The following ZMIZ2 variants were observed in gnomAD, a reference collection of about 807,000 sequenced individuals.
ZMIZ2 encodes zinc finger MIZ domain-containing protein 2.
Under a neutral mutation model 93.9 loss-of-function variants are expected in ZMIZ2, and 26 were observed. The observed-to-expected ratio is 0.28, with a 90% CI of 0.20 to 0.38. ZMIZ2 has a LOEUF of 0.38. Ranked by LOEUF, ZMIZ2 falls within the 10% of genes least tolerant of loss-of-function variation. The pLI, the probability that ZMIZ2 is intolerant of heterozygous loss-of-function variation, is 1.00. For missense variants in ZMIZ2, 1,023 were observed against 1,235.0 expected, an observed-to-expected ratio of 0.83 and a Z score of 2.57; for synonymous variants, 485 against 516.4, an observed-to-expected ratio of 0.94 and a Z score of 0.82.
chr7:44,761,395 CA>C lies in ZMIZ2; in HGVS notation c.1241-52del. On this transcript the variant is annotated intron_variant, in intron 9 of 18. Coordinates refer to ENST00000309315, the MANE Select transcript of ZMIZ2 (RefSeq NM_031449.4). This position sits in a 1 kb window ranked among gnomAD's most constrained non-coding sequence, Gnocchi z 5.8. ...GAGCCGCTGCCCTCCTTGAGTGACA[CA>C]AGACGCTCTGGCTGGGGCAACCCAG... 1 of 1,591,810 alleles carries C rather than the reference CA, an allele frequency of 6.3e-7. No individual in the cohort carries two copies. The highest frequency in any genetic ancestry group is 8.5e-7 in the Non-Finnish European group (1 of 1,172,684).
Position 44,765,195 on chromosome 7 carries a change from C to T in ZMIZ2, c.1998-140C>T. On this transcript the variant is annotated intron_variant, in intron 15 of 18. Transcript: ENST00000309315. The surrounding 1 kb of genome is among the most constrained non-coding windows in gnomAD (Gnocchi z 4.1). The stretch of plus-strand genomic sequence containing the variant: ...TGTTGGTGCTGGGCCCAGCGTCCTG[C>T]TCGATGTGGAAGGTGCTGGGTGGAA... The T allele has an allele frequency of 1.3e-6, 2 of 1,503,986 alleles. No homozygotes were observed. The highest frequency in any genetic ancestry group is 3.7e-5 in the Admixed American group (2 of 54,596). The allele number at this position is 1,503,986 out of a possible 1,614,324, so 93.2% of individuals were successfully genotyped here.
Position 44,765,811 on chromosome 7 carries a change from A to T in ZMIZ2, c.2242+232A>T. 1.0e-6 allele frequency: 1 copy of T among 986,616 alleles called. No homozygotes were observed. Among genetic ancestry groups the T allele is most frequent in the Non-Finnish European group, 1.4e-6 (1 of 699,818 alleles). The allele number at this position is 986,616 out of a possible 1,614,324, so 61.1% of individuals were successfully genotyped here. ...CCAGGAAACAGACAGTGGGGCCTCC[A>T]CCCTTCCTTCCCCGTTTGGATTAAG... is the stretch of plus-strand genomic sequence containing the variant. On this transcript the variant is annotated intron_variant, in intron 16 of 18. Coordinates refer to ENST00000309315, the MANE Select transcript of ZMIZ2 (RefSeq NM_031449.4). The surrounding 1 kb of genome is among the most constrained non-coding windows in gnomAD (Gnocchi z 4.1).
upstream of ZMIZ2, chr7:44,748,742 CGCCCCCGCCCCGAGCGCCG>C (rs1434944452): frequency 6.7e-6 from 1 of 150,228 alleles, no homozygotes; most frequent in Non-Finnish European, 1.5e-5. Flanking sequence ...GGCTCGCGGC[CGCCCCCGCCCCGAGCGCCG>C]GCTCGGGGCT....
chr7:44,752,208 A>C (rs533043753), intron 1 of ZMIZ2, among the ~76,000 whole-genome samples: 6 of 149,636 alleles, frequency 4.0e-5, no homozygotes, highest in African/African-American at 1.5e-4. Flanking sequence ...GCTCACTGCA[A>C]CCTCCACCTC....
intron 1 of ZMIZ2, among the ~76,000 whole-genome samples, chr7:44,754,221 T>C (rs1353267100): frequency 1.3e-5 from 2 of 152,206 alleles, no homozygotes; most frequent in Admixed American, 6.5e-5. Flanking sequence ...TTGCCACCCC[T>C]ACCTTGCCTG....
Position 44,759,628 on chromosome 7 carries a change from TG to T in ZMIZ2, c.993+174del, listed in dbSNP as rs1434768073. On this transcript the variant is annotated intron_variant, in intron 7 of 18. Coordinates refer to ENST00000309315, the MANE Select transcript of ZMIZ2 (RefSeq NM_031449.4). ...CCACAGCTCTACAGGAGATGGGGGG[TG>T]GGGGGTGGGGGCATTCTGACCAGTG... 1.0e-4 allele frequency: 7 copies of T among 66,816 alleles called. 1 individual carries two copies. In the East Asian group the frequency reaches 1.3e-3, roughly 13 times the overall value. The allele number at this position is 66,816 out of a possible 1,614,324, so 4.1% of individuals were successfully genotyped here.
chr7:44,754,217 C>A (rs1199752268), intron 1 of ZMIZ2, among the ~76,000 whole-genome samples: 1 of 152,230 alleles, frequency 6.6e-6, no homozygotes. Context: ...GGGATTGCCA[C>A]CCCTACCTTG....
chr7:44,768,418 G>A lies in ZMIZ2; in HGVS notation c.*795G>A, dbSNP rs1050327. ...GGGGACAGTGAGCTTCGGCCTGGCC[G>A]AGGTGGGTGGGTGGGCTCTCAGATT... is the stretch of plus-strand genomic sequence containing the variant. On this transcript the variant is annotated 3_prime_UTR_variant, in exon 19 of 19. Transcript: ENST00000309315. The A allele has an allele frequency of 0.49, 75,053 of 152,444 alleles. 18,843 individuals carry two copies. Among genetic ancestry groups the A allele is most frequent in the East Asian group, 0.74 (3,812 of 5,168 alleles). The allele number at this position is 152,444 out of a possible 1,614,324, so 9.4% of individuals were successfully genotyped here.
In ZMIZ2 at chr7:44,766,452, A is replaced by G. The variant is rs1386711712; in HGVS notation, c.2444A>G (p.His815Arg). 1 of 1,614,006 alleles carries G rather than the reference A, an allele frequency of 6.2e-7. No homozygotes were observed. Among genetic ancestry groups the G allele is most frequent in the Admixed American group, 1.7e-5 (1 of 60,018 alleles). Residue 815 changes from histidine (H) to arginine (R), a missense_variant, in exon 18 of 19, where the codon CAC becomes CGC. His to Arg is a conservative substitution (Grantham distance 29, BLOSUM62 0). Transcript: ENST00000309315. This position sits in a 1 kb window ranked among gnomAD's most constrained non-coding sequence, Gnocchi z 4.4. ...MAPAGHLDPT[H>R]NPGTPGLHTS... ...CCAGCAGGTCACCTGGACCCCACTC[A>G]CAATCCTGGGACACCAGGACTACAC...
rs577656616 is a variant in ZMIZ2, at chr7:44,759,511, G to A, written c.993+51G>A. The A allele has an allele frequency of 2.9e-6, 4 of 1,356,614 alleles. 1 individual carries two copies. The African/African-American group carries it at 6.0e-5, about 20-fold the overall frequency. 84.0% of individuals were successfully genotyped at this position (1,356,614 alleles called of 1,614,324 possible). A position where few individuals can be genotyped will look rare whatever the true frequency, so the allele number is the denominator to read the frequency against. On this transcript the variant is annotated intron_variant, in intron 7 of 18. Transcript: ENST00000309315. ...TGCCGGGCTCCGTGCTGAGTGCTGT[G>A]GGACAGGGGACCTTGGGGCAGTCCT...
rs774346634 is a variant in ZMIZ2, at chr7:44,760,236, G to A, written c.1071+8G>A. ...CAACCTGGCCTGAGTGGGGTAGGGG[G>A]CCTGGCCGGGAGGATGGGCCGGGAG... On this transcript the variant is annotated splice_region_variant and intron_variant, in intron 8 of 18. Transcript: ENST00000309315. 57 of 1,609,400 alleles carry A rather than the reference G, an allele frequency of 3.5e-5. No individual in the cohort carries two copies. In the Admixed American group the frequency reaches 9.4e-4, roughly 27 times the overall value.
At position 44,756,488 on chromosome 7, in the gene ZMIZ2, G is replaced by T; in HGVS notation, c.114G>T (p.Ser38=). The change falls in exon 3 of 19, where the codon TCG becomes TCT. Residue 38 remains serine, a synonymous_variant. Transcript: ENST00000309315. ...WQQSATQPAG[S]LSVVTTVWGV... ...AAAGCGCCACTCAGCCGGCTGGATCGCTGTCTGTGGTCACTACTGTGTGGG... is the reference window on the plus strand; with the variant it reads ...AAAGCGCCACTCAGCCGGCTGGATCTCTGTCTGTGGTCACTACTGTGTGGG... The T allele has an allele frequency of 1.2e-6, 2 of 1,614,040 alleles. No individual in the cohort carries two copies. The highest frequency in any genetic ancestry group is 8.5e-7 in the Non-Finnish European group (1 of 1,180,034).
intron 3 of ZMIZ2, 131 bp from the exon 4 acceptor site, chr7:44,756,816 G>C: frequency 8.6e-7 from 1 of 1,156,574 alleles, no homozygotes; most frequent in Non-Finnish European, 1.3e-6. Context: ...CCTGCTTCCC[G>C]TGCTATACCC....
At chr7:44,755,637 C>T (rs1790523893) in intron 1 of ZMIZ2, among the ~76,000 whole-genome samples, 1 of 152,168 alleles carries the variant, frequency 6.6e-6, no homozygotes, top group Non-Finnish European at 1.5e-5. Context: ...ATCACCGCAC[C>T]CCTGCACTCT....
intron 1 of ZMIZ2, among the ~76,000 whole-genome samples, chr7:44,753,942 T>C (rs1790371558): frequency 6.6e-6 from 1 of 152,240 alleles, no homozygotes; most frequent in African/African-American, 2.4e-5. Flanking sequence ...CCTTCCTCCT[T>C]TGAATTGCTC....
Position 44,768,834 on chromosome 7 carries a change from C to T in ZMIZ2, c.*1211C>T, listed in dbSNP as rs1415823607. The stretch of plus-strand genomic sequence containing the variant: ...GACCTTCAAGTGGCTTTTGGGGCCC[C>T]AGGTTGAGCTCTGGATGTTTCAAGC... On this transcript the variant is annotated 3_prime_UTR_variant, in exon 19 of 19. Transcript: ENST00000309315. The T allele has an allele frequency of 6.6e-6, 1 of 152,234 alleles. No individual in the cohort carries two copies. The highest frequency in any genetic ancestry group is 1.9e-4 in the East Asian group (1 of 5,196). The allele number at this position is 152,234 out of a possible 1,614,324, so 9.4% of individuals were successfully genotyped here.
At chr7:44,751,402 T>C (rs545978049) in intron 1 of ZMIZ2, among the ~76,000 whole-genome samples, 1 of 152,334 alleles carries the variant, frequency 6.6e-6, no homozygotes, top group East Asian at 1.9e-4. Context: ...CTGGTTTTGA[T>C]GTGCTGCAGT....
intron 5 of ZMIZ2, 128 bp downstream of exon 5, chr7:44,757,689 G>T: frequency 7.0e-7 from 1 of 1,438,596 alleles, no homozygotes; most frequent in Non-Finnish European, 9.2e-7. Flanking sequence ...CAGTAAAAGA[G>T]AGATGTGTGG....
rs1314075537 is a variant in ZMIZ2, at chr7:44,762,876, T to C, written c.1597-5T>C. 6.2e-7 allele frequency: 1 copy of C among 1,602,904 alleles called. No homozygotes were observed. The highest frequency in any genetic ancestry group is 1.7e-5 in the Admixed American group (1 of 59,288). On this transcript the variant is annotated splice_region_variant and splice_polypyrimidine_tract_variant and intron_variant, in intron 11 of 18. Transcript: ENST00000309315. ...CCCTGATGACATCCTCCCGTTGTAT[T>C]GCAGTCCCACCTCTTCGTGCTGCAG...
Sources: allele counts gnomAD v4.1 joint callset (sites outside exome capture counted in the v4.1 genomes callset), GRCh38; gene constraint gnomAD v4.1.1; non-coding constraint Gnocchi (gnomAD v3.1); transcripts MANE v1.5; gene names NCBI Gene and HGNC (gene_info 2026-07-23, HGNC 2026-07-21).